ULK4: variants seen among roughly 807,000 people sequenced by gnomAD.
ULK4 encodes inactive serine/threonine-protein kinase ULK4.
A neutral mutation model predicts 160.6 loss-of-function variants in ULK4; 133 were observed. The observed-to-expected ratio is 0.83, with a 90% CI of 0.72 to 0.96. The LOEUF is 0.96. Among genes scored for constraint, ULK4 ranks in the 40% least tolerant of loss-of-function variants. The pLI, the probability that ULK4 is intolerant of heterozygous loss-of-function variation, is 0.00. For missense variants in ULK4, 1,580 were observed against 1,499.5 expected (o/e 1.05, Z -0.89); for synonymous variants, 534 against 539.8 (o/e 0.99, Z 0.15).
intron 34 of ULK4, among the ~76,000 whole-genome samples, chr3:41,421,850 A>G (rs1056180831): frequency 6.6e-6 from 1 of 152,174 alleles, no homozygotes; most frequent in African/African-American, 2.4e-5. Context: ...CTTCTTGAAA[A>G]TTTTGAATGC....
intron 25 of ULK4, among the ~76,000 whole-genome samples, chr3:41,707,616 G>A (rs570708896): frequency 1.3e-5 from 2 of 152,198 alleles, no homozygotes; most frequent in South Asian, 4.1e-4. Context: ...AGGATAATCT[G>A]AGGCCAGGAG....
At position 41,803,147 on chromosome 3, in the gene ULK4, G is replaced by T. The variant is rs553760761; in HGVS notation, c.1849-2854C>A. Among the ~76,000 whole-genome samples, 21 of 129,006 alleles carry T rather than the reference G, an allele frequency of 1.6e-4. No individual in the cohort carries two copies. In the South Asian group the frequency reaches 2.9e-3, roughly 18 times the overall value. The allele number at this position is 129,006 out of a possible 152,430, so 84.6% of individuals were successfully genotyped here. On this transcript the variant is annotated intron_variant, in intron 19 of 36. Coordinates refer to ENST00000301831, the MANE Select transcript of ULK4 (RefSeq NM_017886.4). ...GATCGCACCACTGCACTCCAGCCTG[G>T]GCTTACAGAGCAAGACTCCATCTCA... is the stretch of plus-strand genomic sequence containing the variant.
intron 2 of ULK4, among the ~76,000 whole-genome samples, chr3:41,946,646 A>T (rs1230885110): frequency 6.6e-6 from 1 of 152,086 alleles, no homozygotes; most frequent in Non-Finnish European, 1.5e-5. Flanking sequence ...AACGTAGTGA[A>T]ATTTTCCCTG....
In ULK4 at chr3:41,918,230, C is replaced by T. The variant is rs570269530; in HGVS notation, c.727+227G>A. Among the ~76,000 whole-genome samples the T allele has an allele frequency of 5.9e-5, 9 of 152,130 alleles. No homozygotes were observed. In the East Asian group the frequency reaches 1.2e-3, roughly 20 times the overall value. ...CCATACTTTTTATGATATAGATGCA[C>T]AAAATAGTTTTTAAATGAGGGAAAT... On this transcript the variant is annotated intron_variant, in intron 7 of 36. Coordinates refer to ENST00000301831, the MANE Select transcript of ULK4 (RefSeq NM_017886.4).
In ULK4 at chr3:41,770,397, G is replaced by A. The variant is rs545929804; in HGVS notation, c.2194-15909C>T. 5.9e-5 allele frequency among the ~76,000 whole-genome samples: 9 copies of A among 152,134 alleles called. No individual in the cohort carries two copies. In the East Asian group the frequency reaches 1.7e-3, roughly 29 times the overall value. On this transcript the variant is annotated intron_variant, in intron 21 of 36. Transcript: ENST00000301831. ...GTTGACTGGGGAATTTTTCTGTAGGGCGGTAACCACTTGTTACTCCTTCAC... is the reference window on the plus strand; with the variant it reads ...GTTGACTGGGGAATTTTTCTGTAGGACGGTAACCACTTGTTACTCCTTCAC...
At chr3:41,698,974 GT>G (rs2036586178) in intron 27 of ULK4, among the ~76,000 whole-genome samples, 1 of 152,072 alleles carries the variant, frequency 6.6e-6, no homozygotes, top group Non-Finnish European at 1.5e-5. Context: ...TAGATCATTT[GT>G]TTTCTCTGTG....
chr3:41,375,294 T>C (rs897321739), intron 35 of ULK4, among the ~76,000 whole-genome samples: 2 of 152,168 alleles, frequency 1.3e-5, no homozygotes, highest in Admixed American at 6.5e-5. Flanking sequence ...TTAAAATTCA[T>C]ATGGAACCAA....
chr3:41,865,834 A>G (rs1696839272), intron 17 of ULK4, among the ~76,000 whole-genome samples: 1 of 152,194 alleles, frequency 6.6e-6, no homozygotes, highest in South Asian at 2.1e-4. Context: ...AACTACAAAA[A>G]TTTTAGAAAC....
chr3:41,454,261 C>T, intron 34 of ULK4, among the ~76,000 whole-genome samples: 1 of 148,308 alleles, frequency 6.7e-6, no homozygotes, highest in African/African-American at 2.5e-5. Flanking sequence ...AAAATTAGGC[C>T]AGGCGTGGTG....
chr3:41,911,520 A>T, intron 10 of ULK4, 21 bp downstream of exon 10: 2 of 1,601,786 alleles, frequency 1.2e-6, no homozygotes, highest in Non-Finnish European at 1.7e-6. Context: ...AGTAGCATGA[A>T]TGTGCTCAAA....
At chr3:41,901,479 C>CTTTTTATTTTTT (rs1698359555) in intron 12 of ULK4, among the ~76,000 whole-genome samples, 1 of 22,526 alleles carries the variant, frequency 4.4e-5, no homozygotes. Flanking sequence ...CACGCCCAGC[C>CTTTTTATTTTTT]TTTTTTTTTT....
intron 19 of ULK4, among the ~76,000 whole-genome samples, chr3:41,808,093 T>C (rs2040704998): frequency 6.6e-6 from 1 of 152,174 alleles, no homozygotes; most frequent in Admixed American, 6.5e-5. Context: ...TAAGCTTCCT[T>C]AATGTGGGGT....
intron 18 of ULK4, among the ~76,000 whole-genome samples, chr3:41,828,187 A>T (rs1228217854): frequency 6.9e-6 from 1 of 144,378 alleles, no homozygotes; most frequent in African/African-American, 2.6e-5. Context: ...CCCACAGCCA[A>T]TATCATACTG....
intron 31 of ULK4, among the ~76,000 whole-genome samples, chr3:41,600,340 A>T (rs553085891): frequency 6.6e-6 from 1 of 152,296 alleles, no homozygotes; most frequent in East Asian, 1.9e-4. Context: ...TTAATCAACT[A>T]ATGACACAAA....
At chr3:41,773,429 A>G (rs1355058274) in intron 21 of ULK4, among the ~76,000 whole-genome samples, 1 of 152,216 alleles carries the variant, frequency 6.6e-6, no homozygotes, top group Non-Finnish European at 1.5e-5. Flanking sequence ...CACCAACAAC[A>G]GACAAACAGA....
At chr3:41,800,019 T>G in intron 20 of ULK4, 113 bp downstream of exon 20, 62 of 1,075,324 alleles carry the variant, frequency 5.8e-5, no homozygotes, top group South Asian at 7.5e-5. Flanking sequence ...AATATTACTC[T>G]GAGATTTCAG....
intron 19 of ULK4, among the ~76,000 whole-genome samples, chr3:41,815,839 A>C (rs953259988): frequency 7.2e-5 from 11 of 152,234 alleles, no homozygotes; most frequent in African/African-American, 2.4e-4. Context: ...TTAAAACTCT[A>C]AATGGGAAAA....
At chr3:41,343,872 C>T (rs545391641) in intron 35 of ULK4, among the ~76,000 whole-genome samples, 2 of 152,310 alleles carry the variant, frequency 1.3e-5, no homozygotes, top group East Asian at 3.9e-4. Context: ...AATGAAGAAG[C>T]ATTCCATGCT....
At chr3:41,773,042 A>C (rs2039457412) in intron 21 of ULK4, among the ~76,000 whole-genome samples, 1 of 152,240 alleles carries the variant, frequency 6.6e-6, no homozygotes, top group Non-Finnish European at 1.5e-5. Flanking sequence ...AAAAACTCTC[A>C]ATAAATTAGG....
Sources: gnomAD v4.1 joint callset for allele counts (sites outside exome capture counted in the v4.1 genomes callset) on GRCh38, gnomAD v4.1.1 for gene constraint, MANE v1.5 for transcripts, NCBI Gene and HGNC (gene_info 2026-07-23, HGNC 2026-07-21) for gene names.